The following CFAP221 variants were observed in gnomAD, a reference collection of about 807,000 sequenced individuals.
CFAP221 encodes the protein cilia and flagella associated protein 221, also known as cilia- and flagella-associated protein 221.
A neutral mutation model predicts 113.1 loss-of-function variants in CFAP221; 97 were observed. That is an observed-to-expected ratio of 0.86 (90% CI 0.73 to 1.02). CFAP221 has a LOEUF of 1.02. Among genes scored for constraint, CFAP221 ranks in the 50% least tolerant of loss-of-function variants. The pLI, the probability that CFAP221 is intolerant of heterozygous loss-of-function variation, is 0.00. For synonymous variants in CFAP221, 331 were observed against 354.4 expected (o/e 0.93, Z 0.74); for missense variants, 1,025 against 1,013.4 (o/e 1.01, Z -0.16).
At chr2:119,572,494 C>A in intron 6 of CFAP221, 1 of 670,500 alleles carries the variant, frequency 1.5e-6, no homozygotes, top group South Asian at 1.6e-5. Context: ...TTTTTCCATT[C>A]CCATGGTTCT....
rs375225988 is a variant in CFAP221 at position 119,608,602 on chromosome 2, G to A, written c.1221+13G>A. On this transcript the variant is annotated intron_variant, in intron 12 of 23. Coordinates refer to ENST00000413369, the MANE Select transcript of CFAP221 (RefSeq NM_001271049.2). ...TGCCAAATATAAGGTCAGAGTTACTGCTAATTTGCTATCATTTGTTTCGCT... is the reference window on the plus strand; with the variant it reads ...TGCCAAATATAAGGTCAGAGTTACTACTAATTTGCTATCATTTGTTTCGCT... 2.2e-5 allele frequency: 35 copies of A among 1,590,258 alleles called. No individual in the cohort carries two copies. The highest frequency in any genetic ancestry group is 1.0e-4 in the Admixed American group (6 of 58,024).
chr2:119,615,512 C>A, intron 13 of CFAP221, 99 bp from the exon 14 acceptor site: 2 of 873,164 alleles, frequency 2.3e-6, no homozygotes, highest in Non-Finnish European at 3.5e-6. Flanking sequence ...AAATAAATAA[C>A]AACTTGATTT....
chr2:119,630,465 G>C, intron 17 of CFAP221, 105 bp from the exon 18 acceptor site: 2 of 811,500 alleles, frequency 2.5e-6, no homozygotes, highest in South Asian at 3.4e-5. Flanking sequence ...CATGGTGCTT[G>C]TCTTACTTTT....
In CFAP221 at chr2:119,595,713, C is replaced by A. The variant is rs149348677; in HGVS notation, c.632-5505C>A. Among the ~76,000 whole-genome samples the A allele has an allele frequency of 8.2e-4, 124 of 152,116 alleles. 2 individuals carry two copies. Among genetic ancestry groups the A allele is most frequent in the African/African-American group, 2.8e-3 (117 of 41,506 alleles). Reference sequence around the variant, plus strand: ...ATGCCAGTCGGGGGAGACAGGCAGGCCTGCAAACAAAAGACATTGTCCAGA... The same window carrying A: ...ATGCCAGTCGGGGGAGACAGGCAGGACTGCAAACAAAAGACATTGTCCAGA... On this transcript the variant is annotated intron_variant, in intron 7 of 23. Coordinates refer to ENST00000413369, the MANE Select transcript of CFAP221 (RefSeq NM_001271049.2).
At chr2:119,596,304 C>T (rs539963161) in intron 7 of CFAP221, among the ~76,000 whole-genome samples, 2 of 152,282 alleles carry the variant, frequency 1.3e-5, no homozygotes, top group East Asian at 3.9e-4. Context: ...GGGTGCGCTG[C>T]ACTTCCTGCA....
chr2:119,621,690 C>G (rs1685932757), intron 14 of CFAP221, among the ~76,000 whole-genome samples: 1 of 152,114 alleles, frequency 6.6e-6, no homozygotes, highest in African/African-American at 2.4e-5. Context: ...ATAAGAGTCT[C>G]TCAGACGACA....
chr2:119,567,309 T>A (rs1313408937), intron 6 of CFAP221, among the ~76,000 whole-genome samples: 3 of 152,188 alleles, frequency 2.0e-5, no homozygotes, highest in Non-Finnish European at 2.9e-5. Flanking sequence ...TGGCAACCAC[T>A]GTTTATTTTT....
At chr2:119,605,152 G>C (rs955723377) in intron 10 of CFAP221, 29 bp from the exon 11 acceptor site, 2 of 1,567,522 alleles carry the variant, frequency 1.3e-6, no homozygotes, top group African/African-American at 1.4e-5. Flanking sequence ...CTGATTACTG[G>C]TATAAACATT....
At chr2:119,569,951 A>G (rs141700717) in intron 6 of CFAP221, among the ~76,000 whole-genome samples, 400 of 152,240 alleles carry the variant, frequency 2.6e-3, no homozygotes, top group African/African-American at 9.4e-3. Context: ...AGTTGTTTTA[A>G]ATTCCCTGTC....
At position 119,600,870 on chromosome 2, in the gene CFAP221, G is replaced by A. The variant is rs183513307; in HGVS notation, c.632-348G>A. 3.3e-5 allele frequency among the ~76,000 whole-genome samples: 5 copies of A among 152,226 alleles called. No individual in the cohort carries two copies. The East Asian group carries it at 9.6e-4, about 29-fold the overall frequency. On this transcript the variant is annotated intron_variant, in intron 7 of 23. Transcript: ENST00000413369. Reference sequence around the variant, plus strand: ...TCAACACGAAGACAAAGAGAATGAAGACCTTTGTGATGATCCACTTCCACT... The same window carrying A: ...TCAACACGAAGACAAAGAGAATGAAAACCTTTGTGATGATCCACTTCCACT...
At chr2:119,635,003 T>G (rs1011467249) in intron 19 of CFAP221, among the ~76,000 whole-genome samples, 1 of 152,272 alleles carries the variant, frequency 6.6e-6, no homozygotes, top group Admixed American at 6.5e-5. Flanking sequence ...TTAAAAGAAT[T>G]ATCAGAACTC....
intron 6 of CFAP221, among the ~76,000 whole-genome samples, chr2:119,570,450 T>C (rs1558922389): frequency 1.3e-5 from 2 of 152,226 alleles, no homozygotes; most frequent in African/African-American, 4.8e-5. Flanking sequence ...TTTTAGTATA[T>C]GCAACTATCA....
rs1687374736 is a variant in CFAP221 at position 119,639,872 on chromosome 2, GGTAAGCACA to G, written c.2225+2_2225+10del. The G allele has an allele frequency of 6.2e-7, 1 of 1,612,422 alleles. No homozygotes were observed. Among genetic ancestry groups the G allele is most frequent in the Non-Finnish European group, 8.5e-7 (1 of 1,178,604 alleles). On this transcript the variant is annotated splice_donor_variant and splice_donor_5th_base_variant and intron_variant, in intron 21 of 23. Transcript: ENST00000413369. LOFTEE classifies it high-confidence loss of function. ...CCCTCCAAGATGGAGACCACAAAGA[GGTAAGCACA>G]GCTCATCTGTTTGCTCACGAGTATG...
rs751992251 is a variant in CFAP221, at chr2:119,630,806, T to C, written c.1879T>C (p.Ser627Pro). ...CATCACAGCCCTTCCGAAACAGGACTCCACAACTCAGCTCTCTGGCAAAAC... is the reference window on the plus strand; with the variant it reads ...CATCACAGCCCTTCCGAAACAGGACCCCACAACTCAGCTCTCTGGCAAAAC... The part of the protein sequence containing the change: ...TTITALPKQD[S>P]TTQLSGKTSV... The change falls in exon 19 of 24, where the codon TCC becomes CCC. Residue 627 changes from serine (S) to proline (P), a missense_variant. By Grantham distance (74) the Ser-to-Pro change is moderately conservative. Transcript: ENST00000413369. 1.9e-6 allele frequency: 3 copies of C among 1,613,512 alleles called. No homozygotes were observed. In the East Asian group the frequency reaches 6.7e-5, roughly 36 times the overall value.
chr2:119,644,210 G>A (rs1419252729), intron 21 of CFAP221, among the ~76,000 whole-genome samples: 1 of 152,056 alleles, frequency 6.6e-6, no homozygotes, highest in African/African-American at 2.4e-5. Context: ...TTTTAAAAAT[G>A]CCCAACCACC....
At chr2:119,654,911 C>T (rs1036818677) in intron 23 of CFAP221, among the ~76,000 whole-genome samples, 5 of 152,046 alleles carry the variant, frequency 3.3e-5, no homozygotes, top group Non-Finnish European at 7.4e-5. Flanking sequence ...GGTTCAGAAA[C>T]TCTCCTCAGC....
At chr2:119,611,887 A>G (rs1435732556) in intron 13 of CFAP221, 145 bp downstream of exon 13, 7 of 719,738 alleles carry the variant, frequency 9.7e-6, no homozygotes, top group Non-Finnish European at 1.6e-5. Context: ...GAATGTTACC[A>G]TGTTTTTGCA....
At position 119,617,060 on chromosome 2, in the gene CFAP221, C is replaced by T. The variant is rs551066351; in HGVS notation, c.1410+1351C>T. ...TATAACCACTGTGCCTTAGTTTCCT[C>T]ACCTGAACACTGAGGACAATAATGA... On this transcript the variant is annotated intron_variant, in intron 14 of 23. Coordinates refer to ENST00000413369, the MANE Select transcript of CFAP221 (RefSeq NM_001271049.2). Among the ~76,000 whole-genome samples the T allele has an allele frequency of 1.2e-4, 19 of 152,336 alleles. 1 individual carries two copies. In the South Asian group the frequency reaches 3.7e-3, roughly 30 times the overall value.
At chr2:119,562,551 G>C (rs143794347) in intron 6 of CFAP221, among the ~76,000 whole-genome samples, 2,685 of 152,242 alleles carry the variant, frequency 0.018, 31 homozygotes, top group Non-Finnish European at 0.025. Context: ...GGGCATTCAA[G>C]CAAAACCCCA....
Sources: gnomAD v4.1 joint callset for allele counts (sites outside exome capture counted in the v4.1 genomes callset) on GRCh38, gnomAD v4.1.1 for gene constraint, MANE v1.5 for transcripts, NCBI Gene and HGNC (gene_info 2026-07-23, HGNC 2026-07-21) for gene names.